BRINP3: variants seen among roughly 807,000 people sequenced by gnomAD.
BRINP3 encodes BMP/retinoic acid inducible neural specific 3, also known as BMP/retinoic acid-inducible neural-specific protein 3.
A neutral mutation model predicts 71.0 loss-of-function variants in BRINP3; 19 were observed. That is an observed-to-expected ratio of 0.27 (90% CI 0.19 to 0.39). The LOEUF (loss-of-function observed/expected upper bound fraction) is 0.39, where lower values mean the gene tolerates loss of function less well. BRINP3 is among the 10% of genes least tolerant of loss of function. The pLI is 1.00. For synonymous variants in BRINP3, 380 were observed against 337.7 expected (o/e 1.13, Z -1.37); for missense variants, 959 against 940.8 (o/e 1.02, Z -0.25).
At chr1:190,393,169 CAT>C (rs1671356550) in intron 2 of BRINP3, among the ~76,000 whole-genome samples, 2 of 151,616 alleles carry the variant, frequency 1.3e-5, no homozygotes, top group South Asian at 2.1e-4. Flanking sequence ...ATATGCATAA[CAT>C]ATATTAAGCA....
At chr1:190,234,568 T>A in intron 4 of BRINP3, 91 bp from the exon 5 acceptor site, 2 of 891,918 alleles carry the variant, frequency 2.2e-6, no homozygotes, top group Non-Finnish European at 3.6e-6. Context: ...ATATTATACG[T>A]TTGACAGTAA....
chr1:190,361,227 G>A (rs1206175787), intron 2 of BRINP3, among the ~76,000 whole-genome samples: 1 of 151,958 alleles, frequency 6.6e-6, no homozygotes, highest in Non-Finnish European at 1.5e-5. Flanking sequence ...AACCATTGAA[G>A]ACTTTAAAGT....
At chr1:190,365,269 G>A (rs1669407174) in intron 2 of BRINP3, among the ~76,000 whole-genome samples, 1 of 151,904 alleles carries the variant, frequency 6.6e-6, no homozygotes, top group South Asian at 2.1e-4. Context: ...ATGAAGTTTT[G>A]GAAATTGTGT....
chr1:190,363,461 T>C (rs1165356667), intron 2 of BRINP3, among the ~76,000 whole-genome samples: 1 of 152,136 alleles, frequency 6.6e-6, no homozygotes, highest in Non-Finnish European at 1.5e-5. Context: ...TCATAAAATA[T>C]ATAACCAAGA....
At chr1:190,405,450 CAAAAAAAAAAAA>C (rs1334402738) in intron 2 of BRINP3, among the ~76,000 whole-genome samples, 24 of 39,120 alleles carry the variant, frequency 6.1e-4, no homozygotes, top group Non-Finnish European at 8.9e-4. Context: ...GACTCCGTCT[CAAAAAAAAAAAA>C]AAAAAAAAAA....
chr1:190,220,639 T>C (rs538592675), intron 6 of BRINP3, among the ~76,000 whole-genome samples: 2 of 151,800 alleles, frequency 1.3e-5, no homozygotes, highest in East Asian at 3.9e-4. Context: ...TGTTCAAAGA[T>C]AAAAAAAATT....
At chr1:190,221,392 G>T (rs1446020514) in intron 6 of BRINP3, among the ~76,000 whole-genome samples, 1 of 152,076 alleles carries the variant, frequency 6.6e-6, no homozygotes, top group Non-Finnish European at 1.5e-5. Flanking sequence ...TCTATAAGAT[G>T]ATTTTTGTAA....
chr1:190,157,573 T>C (rs1350278247), intron 7 of BRINP3, among the ~76,000 whole-genome samples: 3 of 152,080 alleles, frequency 2.0e-5, no homozygotes, highest in South Asian at 2.1e-4. Flanking sequence ...TCTTGCACTT[T>C]CTATTTTGGG....
intron 7 of BRINP3, among the ~76,000 whole-genome samples, chr1:190,133,897 A>C (rs756814012): frequency 3.3e-5 from 5 of 152,080 alleles, no homozygotes; most frequent in Admixed American, 6.6e-5. Context: ...ATGTAACTTA[A>C]ATCTCTGTAT....
At chr1:190,181,312 T>A (rs1020477840) in intron 6 of BRINP3, among the ~76,000 whole-genome samples, 1 of 152,036 alleles carries the variant, frequency 6.6e-6, no homozygotes, top group Non-Finnish European at 1.5e-5. Context: ...GTGTAATAAT[T>A]TACATAATGA....
At chr1:190,186,761 T>TA (rs1476208468) in intron 6 of BRINP3, among the ~76,000 whole-genome samples, 3 of 152,154 alleles carry the variant, frequency 2.0e-5, no homozygotes, top group Non-Finnish European at 1.5e-5. Context: ...GTTAGGAATA[T>TA]AACTTCTCCA....
chr1:190,291,569 A>G (rs986785268), intron 2 of BRINP3, among the ~76,000 whole-genome samples: 1 of 152,126 alleles, frequency 6.6e-6, no homozygotes, highest in Non-Finnish European at 1.5e-5. Flanking sequence ...AACATCACTA[A>G]TCATCAGGGA....
intron 2 of BRINP3, among the ~76,000 whole-genome samples, chr1:190,348,810 A>G (rs1017231794): frequency 6.6e-6 from 1 of 152,136 alleles, no homozygotes; most frequent in African/African-American, 2.4e-5. Flanking sequence ...AGTTCACATT[A>G]ACCTTATTTA....
Position 190,155,646 on chromosome 1 carries a change from G to C in BRINP3, c.1184+5022C>G, listed in dbSNP as rs1346977235. ...TGTTCCCCTACTCAAATCTCACCTC[G>C]AATTATAATCCCCACATTAGGGAGG... On this transcript the variant is annotated intron_variant, in intron 7 of 7. Coordinates refer to ENST00000367462, the MANE Select transcript of BRINP3 (RefSeq NM_199051.3). Among the ~76,000 whole-genome samples the C allele has an allele frequency of 2.0e-5, 3 of 151,962 alleles. No homozygotes were observed. The Admixed American group carries it at 2.0e-4, about 10-fold the overall frequency.
chr1:190,436,986 A>T (rs1674507202), intron 2 of BRINP3, among the ~76,000 whole-genome samples: 1 of 151,826 alleles, frequency 6.6e-6, no homozygotes, highest in South Asian at 2.1e-4. Context: ...TAAGTTACAG[A>T]AGTTTTACAA....
intron 2 of BRINP3, among the ~76,000 whole-genome samples, chr1:190,300,312 G>A (rs569154713): frequency 2.6e-5 from 4 of 151,754 alleles, no homozygotes; most frequent in African/African-American, 7.3e-5. Context: ...ATCTTCCATC[G>A]CTGATACCCT....
At position 190,264,891 on chromosome 1, in the gene BRINP3, T is replaced by C; in HGVS notation, c.592A>G (p.Ile198Val). The part of the protein sequence containing the change: ...RDSTLRRLHH[I>V]QIASTAIKVT... The stretch of plus-strand genomic sequence containing the variant: ...TTTATGGCAGTGGATGCAATTTGAA[T>C]GTGGTGAAGTCTCCGAAGGGTGCTG... Residue 198 changes from isoleucine to valine, a missense_variant, in exon 4 of 8, where the codon ATT (isoleucine) becomes GTT (valine). Coordinates refer to ENST00000367462, the MANE Select transcript of BRINP3 (RefSeq NM_199051.3). 1 of 1,613,282 alleles carries C rather than the reference T, an allele frequency of 6.2e-7. No homozygotes were observed. The highest frequency in any genetic ancestry group is 1.1e-5 in the South Asian group (1 of 91,026).
At chr1:190,259,990 T>G (rs1661033164) in intron 4 of BRINP3, among the ~76,000 whole-genome samples, 1 of 147,312 alleles carries the variant, frequency 6.8e-6, no homozygotes. Flanking sequence ...ATTGAGCCAC[T>G]GCACTCCAGC....
At chr1:190,416,495 C>T (rs899941736) in intron 2 of BRINP3, among the ~76,000 whole-genome samples, 3 of 152,018 alleles carry the variant, frequency 2.0e-5, no homozygotes, top group South Asian at 2.1e-4. Flanking sequence ...TGAACTTCAG[C>T]GGTTAAACTA....
Sources: allele counts gnomAD v4.1 joint callset (sites outside exome capture counted in the v4.1 genomes callset), GRCh38; gene constraint gnomAD v4.1.1; transcripts MANE v1.5; gene names NCBI Gene and HGNC (gene_info 2026-07-23, HGNC 2026-07-21).